ST3GAL3: variants seen among roughly 807,000 people sequenced by gnomAD.
The protein encoded by ST3GAL3 is CMP-N-acetylneuraminate-beta-1,4-galactoside alpha-2,3-sialyltransferase.
In ST3GAL3, 21 loss-of-function variants were observed where a neutral mutation model predicts 50.1. The observed-to-expected ratio is 0.42, with a 90% CI of 0.30 to 0.60. The LOEUF (loss-of-function observed/expected upper bound fraction) is 0.60. Ranked by LOEUF, ST3GAL3 falls within the 20% of genes least tolerant of loss-of-function variation. The probability of loss-of-function intolerance (pLI) is 0.19; values close to 1 mark genes in which losing one functional copy is unlikely to be tolerated. For missense variants in ST3GAL3, 353 were observed against 489.4 expected, an observed-to-expected ratio of 0.72 and a Z score of 2.63; for synonymous variants, 183 against 190.0, an observed-to-expected ratio of 0.96 and a Z score of 0.30.
chr1:43,911,614 C>CTGTAGCTATAGATATCTAT (rs2080894256), intron 9 of ST3GAL3, among the ~76,000 whole-genome samples: 20 of 129,100 alleles, frequency 1.5e-4, no homozygotes, highest in African/African-American at 6.8e-4. Context: ...TAGATATCTA[C>CTGTAGCTATAGATATCTAT]AGATATATCT....
At chr1:43,848,783 G>C (rs2154210626) in intron 5 of ST3GAL3, among the ~76,000 whole-genome samples, 1 of 152,126 alleles carries the variant, frequency 6.6e-6, no homozygotes, top group Non-Finnish European at 1.5e-5. Flanking sequence ...AAATTACATG[G>C]ATGCTATATT....
intron 3 of ST3GAL3, among the ~76,000 whole-genome samples, chr1:43,814,469 C>T (rs1047722113): frequency 6.6e-6 from 1 of 152,076 alleles, no homozygotes; most frequent in Non-Finnish European, 1.5e-5. Flanking sequence ...ATTTGGGGAC[C>T]CGTTGGCTGC....
intron 5 of ST3GAL3, chr1:43,851,507 G>T (rs2067296543): frequency 2.5e-6 from 4 of 1,598,422 alleles, no homozygotes. Flanking sequence ...TCTGGCCCGG[G>T]TACCCCTCAG....
At chr1:43,717,006 GT>G (rs1400520232) in intron 1 of ST3GAL3, among the ~76,000 whole-genome samples, 1 of 152,154 alleles carries the variant, frequency 6.6e-6, no homozygotes, top group Non-Finnish European at 1.5e-5. Flanking sequence ...GTTTATGTAC[GT>G]GGTTCCTCAT....
In ST3GAL3 at chr1:43,824,572, T is replaced by C. The variant is rs1017756826; in HGVS notation, c.209+9639T>C. Among the ~76,000 whole-genome samples the C allele has an allele frequency of 3.3e-5, 5 of 152,224 alleles. No individual in the cohort carries two copies. The South Asian group carries it at 1.0e-3, about 32-fold the overall frequency. ...CTATAGCTAGCACAAGCCAGGGCCA[T>C]ACTTACTTCACAACAGGAGAGCATA... is the stretch of plus-strand genomic sequence containing the variant. On this transcript the variant is annotated intron_variant, in intron 4 of 11. Coordinates refer to ENST00000347631, the MANE Select transcript of ST3GAL3 (RefSeq NM_006279.5).
intron 2 of ST3GAL3, among the ~76,000 whole-genome samples, chr1:43,755,661 A>G (rs1457243477): frequency 6.6e-6 from 1 of 152,238 alleles, no homozygotes; most frequent in African/African-American, 2.4e-5. Context: ...CCAAATATAC[A>G]AAAACTATAT....
intron 2 of ST3GAL3, among the ~76,000 whole-genome samples, chr1:43,752,827 C>CA (rs1226610933): frequency 6.6e-6 from 1 of 151,918 alleles, no homozygotes; most frequent in South Asian, 2.1e-4. Context: ...AACTTTAAGG[C>CA]AAAAAACCTC....
At chr1:43,844,048 GT>G (rs1055990718) in intron 5 of ST3GAL3, among the ~76,000 whole-genome samples, 1 of 152,192 alleles carries the variant, frequency 6.6e-6, no homozygotes, top group African/African-American at 2.4e-5. Context: ...GGAAACTTAT[GT>G]TTATCCATTT....
At position 43,736,398 on chromosome 1, in the gene ST3GAL3, A is replaced by G; in HGVS notation, c.118+18A>G. On this transcript the variant is annotated intron_variant, in intron 2 of 11. Coordinates refer to ENST00000347631, the MANE Select transcript of ST3GAL3 (RefSeq NM_006279.5). ...GGACTCCAGTAAGTATAGTCACTCT[A>G]GCTCACCCCAGGAGAAGCCTGTTGC... is the stretch of plus-strand genomic sequence containing the variant. 1.2e-6 allele frequency: 2 copies of G among 1,614,120 alleles called. No individual in the cohort carries two copies. Among genetic ancestry groups the G allele is most frequent in the Non-Finnish European group, 1.7e-6 (2 of 1,180,000 alleles).
intron 2 of ST3GAL3, among the ~76,000 whole-genome samples, chr1:43,789,877 T>TAA (rs11440181): frequency 1.5e-3 from 217 of 145,702 alleles, no homozygotes; most frequent in Middle Eastern, 0.01. Flanking sequence ...CTGGCTCTAT[T>TAA]AAAAAAAAAA....
intron 4 of ST3GAL3, among the ~76,000 whole-genome samples, chr1:43,818,653 A>T (rs1426052836): frequency 6.6e-6 from 1 of 152,216 alleles, no homozygotes; most frequent in East Asian, 1.9e-4. Context: ...CTGAAATTGG[A>T]ATTACCACAC....
intron 3 of ST3GAL3, among the ~76,000 whole-genome samples, chr1:43,802,826 G>A (rs1348369446): frequency 1.3e-5 from 2 of 152,106 alleles, no homozygotes; most frequent in Non-Finnish European, 2.9e-5. Context: ...TTTTGTTGCC[G>A]GCAATAAAAT....
intron 3 of ST3GAL3, among the ~76,000 whole-genome samples, chr1:43,803,684 A>C (rs557559605): frequency 6.6e-6 from 1 of 152,230 alleles, no homozygotes; most frequent in Non-Finnish European, 1.5e-5. Flanking sequence ...TGTTCATCCA[A>C]CAAGTTATAT....
At chr1:43,837,576 C>A (rs888296365) in intron 4 of ST3GAL3, among the ~76,000 whole-genome samples, 6 of 152,160 alleles carry the variant, frequency 3.9e-5, no homozygotes, top group Admixed American at 3.3e-4. Context: ...AGTATCAAAG[C>A]CTGAGTAGCT....
intron 11 of ST3GAL3, among the ~76,000 whole-genome samples, chr1:43,924,186 T>C (rs1206704046): frequency 6.6e-6 from 1 of 152,120 alleles, no homozygotes; most frequent in Non-Finnish European, 1.5e-5. Flanking sequence ...TTGTCTCGGA[T>C]AGGGTTCAGG....
At chr1:43,773,757 A>G (rs1218665663) in intron 2 of ST3GAL3, among the ~76,000 whole-genome samples, 3 of 152,218 alleles carry the variant, frequency 2.0e-5, no homozygotes, top group African/African-American at 7.2e-5. Context: ...TACATTAATT[A>G]TTTAATAATT....
Position 43,810,177 on chromosome 1 carries a change from T to A in ST3GAL3, c.167-4714T>A, listed in dbSNP as rs112622836. Among the ~76,000 whole-genome samples, 9 of 152,114 alleles carry A rather than the reference T, an allele frequency of 5.9e-5. 2 individuals are homozygous for A. The highest frequency in any genetic ancestry group is 2.2e-4 in the African/African-American group (9 of 41,498). ...AATATTTGAAGAAATAAGAACCAAA[T>A]TTTTTTAAATGTGATTAAAACCCAC... On this transcript the variant is annotated intron_variant, in intron 3 of 11. Coordinates refer to ENST00000347631, the MANE Select transcript of ST3GAL3 (RefSeq NM_006279.5).
At chr1:43,826,318 A>AT (rs2062796525) in intron 4 of ST3GAL3, among the ~76,000 whole-genome samples, 1 of 152,204 alleles carries the variant, frequency 6.6e-6, no homozygotes, top group Admixed American at 6.5e-5. Flanking sequence ...CACAAATCTG[A>AT]TAACTTAGAT....
chr1:43,861,770 T>C (rs1218163301), intron 5 of ST3GAL3, among the ~76,000 whole-genome samples: 4 of 152,214 alleles, frequency 2.6e-5, no homozygotes, highest in Non-Finnish European at 5.9e-5. Flanking sequence ...GGCTCACGCC[T>C]GTAATCCCGG....
Sources: allele counts gnomAD v4.1 joint callset (sites outside exome capture counted in the v4.1 genomes callset), GRCh38; gene constraint gnomAD v4.1.1; transcripts MANE v1.5; gene names NCBI Gene and HGNC (gene_info 2026-07-23, HGNC 2026-07-21).